The following PLCG2 variants were observed in gnomAD, a reference collection of about 807,000 sequenced individuals.
The protein encoded by PLCG2 is 1-phosphatidylinositol 4,5-bisphosphate phosphodiesterase gamma-2.
In PLCG2, 69 loss-of-function variants were observed where a neutral mutation model predicts 175.6. The observed-to-expected ratio is 0.39, with a 90% CI of 0.32 to 0.48. PLCG2 has a LOEUF of 0.48. PLCG2 is among the 20% of genes least tolerant of loss of function. The probability of loss-of-function intolerance (pLI) is 0.91; values close to 1 mark genes in which losing one functional copy is unlikely to be tolerated. For synonymous variants in PLCG2, 827 were observed against 624.0 expected, an observed-to-expected ratio of 1.33 and a Z score of -4.85; for missense variants, 1,798 against 1,650.9, an observed-to-expected ratio of 1.09 and a Z score of -1.54.
At chr16:81,820,963 G>T (rs991764552) in intron 2 of PLCG2, among the ~76,000 whole-genome samples, 3 of 148,742 alleles carry the variant, frequency 2.0e-5, no homozygotes, top group South Asian at 4.3e-4. Context: ...CATCATGTTG[G>T]CTAGGCTGGT....
upstream of PLCG2, among the ~76,000 whole-genome samples, chr16:81,777,429 T>C (rs1468876937): frequency 7.5e-6 from 1 of 134,136 alleles, no homozygotes; most frequent in Non-Finnish European, 1.6e-5. Context: ...AAATACAAGC[T>C]GAAGTTCTAA....
At chr16:81,943,972 GC>G (rs1911054879) in intron 30 of PLCG2, among the ~76,000 whole-genome samples, 2 of 152,134 alleles carry the variant, frequency 1.3e-5, no homozygotes, top group African/African-American at 4.8e-5. Flanking sequence ...TGTCCCATGG[GC>G]TCATTTTGAA....
chr16:81,927,386 A>G (rs1026553762), intron 23 of PLCG2, among the ~76,000 whole-genome samples: 4 of 152,210 alleles, frequency 2.6e-5, no homozygotes, highest in African/African-American at 9.7e-5. Context: ...CCGTGTTTTA[A>G]TCAGGTTGTG....
intron 2 of PLCG2, among the ~76,000 whole-genome samples, chr16:81,811,449 G>C (rs1467753793): frequency 6.6e-6 from 1 of 152,114 alleles, no homozygotes; most frequent in Non-Finnish European, 1.5e-5. Flanking sequence ...GCTGGGAACT[G>C]GTTTCAGGAT....
At chr16:81,743,662 C>A (rs1909644189) in intron 1 of PLCG2, among the ~76,000 whole-genome samples, 1 of 152,084 alleles carries the variant, frequency 6.6e-6, no homozygotes, top group Non-Finnish European at 1.5e-5. Flanking sequence ...GGATGTGAAG[C>A]CAGGAGAAAG....
intron 2 of PLCG2, among the ~76,000 whole-genome samples, chr16:81,808,417 G>T (rs112574887): frequency 2.3e-4 from 35 of 152,320 alleles, no homozygotes; most frequent in African/African-American, 7.9e-4. Context: ...TGGAGAGGCT[G>T]TGTGGCCCCA....
Position 81,903,231 on chromosome 16 carries a change from C to T in PLCG2, c.1363-2172C>T, listed in dbSNP as rs146758757. On this transcript the variant is annotated intron_variant, in intron 14 of 32. Coordinates refer to ENST00000564138, the MANE Select transcript of PLCG2 (RefSeq NM_002661.5). Reference sequence around the variant, plus strand: ...ACACAAGGGTGTGGTGGTGTCAACACGTGGCATGTACCCTATATTATCACT... The same window carrying T: ...ACACAAGGGTGTGGTGGTGTCAACATGTGGCATGTACCCTATATTATCACT... 5.8e-4 allele frequency among the ~76,000 whole-genome samples: 89 copies of T among 152,324 alleles called. 1 individual carries two copies. In the East Asian group the frequency reaches 0.012, roughly 20 times the overall value.
intron 2 of PLCG2, among the ~76,000 whole-genome samples, chr16:81,851,685 G>A (rs1047106099): frequency 6.6e-6 from 1 of 152,212 alleles, no homozygotes; most frequent in African/African-American, 2.4e-5. Context: ...GCTACTTTTT[G>A]TATTCTTACT....
At chr16:81,866,500 T>C (rs1907242866) in intron 5 of PLCG2, among the ~76,000 whole-genome samples, 1 of 81,280 alleles carries the variant, frequency 1.2e-5, no homozygotes, top group Admixed American at 1.3e-4. Flanking sequence ...GGCACCAGCA[T>C]GAGAGGACGC....
chr16:81,749,541 A>G (rs2143061388), intron 1 of PLCG2, among the ~76,000 whole-genome samples: 1 of 152,156 alleles, frequency 6.6e-6, no homozygotes, highest in African/African-American at 2.4e-5. Flanking sequence ...TTTAGTAGAG[A>G]CGAGGTTTTA....
intron 9 of PLCG2, among the ~76,000 whole-genome samples, chr16:81,884,811 A>T (rs1908273621): frequency 6.6e-6 from 1 of 152,190 alleles, no homozygotes; most frequent in South Asian, 2.1e-4. Context: ...CATTTCAAAC[A>T]TACACAAAAG....
intron 4 of PLCG2, among the ~76,000 whole-genome samples, chr16:81,858,571 C>T (rs77170887): frequency 1.3e-5 from 2 of 152,190 alleles, no homozygotes; most frequent in African/African-American, 4.8e-5. Context: ...CAGCGTTGGC[C>T]TATTGGAGTG....
intron 13 of PLCG2, 48 bp downstream of exon 13, chr16:81,895,975 TA>T: frequency 6.2e-7 from 1 of 1,609,546 alleles, no homozygotes; most frequent in Non-Finnish European, 8.5e-7. Context: ...GGAAGGCAGC[TA>T]GGGTTGGATA....
At chr16:81,748,387 C>G (rs1467616052) in intron 1 of PLCG2, among the ~76,000 whole-genome samples, 1 of 150,266 alleles carries the variant, frequency 6.7e-6, no homozygotes, top group African/African-American at 2.5e-5. Context: ...GAGACTTTGT[C>G]TCAAACTTAA....
chr16:81,907,655 G>C (rs1420089731), intron 15 of PLCG2, 30 bp from the exon 16 acceptor site: 4 of 1,538,418 alleles, frequency 2.6e-6, no homozygotes, highest in Non-Finnish European at 3.6e-6. Context: ...AGAGGACTTG[G>C]GGGGCACTAA....
intron 2 of PLCG2, among the ~76,000 whole-genome samples, chr16:81,833,334 A>G (rs933369110): frequency 1.3e-5 from 2 of 151,960 alleles, no homozygotes; most frequent in African/African-American, 4.8e-5. Flanking sequence ...CAATCTGTCC[A>G]CACCCCCAGG....
intron 25 of PLCG2, 67 bp downstream of exon 25, chr16:81,931,721 C>A: frequency 1.4e-6 from 2 of 1,458,084 alleles, no homozygotes; most frequent in African/African-American, 1.4e-5. Flanking sequence ...TCAGTTGGGA[C>A]TGTGGGTGGG....
At position 81,809,983 on chromosome 16, in the gene PLCG2, G is replaced by A. The variant is rs575551479; in HGVS notation, c.193+23801G>A. ...CTGCCAGTCTTTGTCTGCCACCATG[G>A]TTCTCTCCTTTTTTTTTTCTTTTTT... On this transcript the variant is annotated intron_variant, in intron 2 of 32. Coordinates refer to ENST00000564138, the MANE Select transcript of PLCG2 (RefSeq NM_002661.5). Among the ~76,000 whole-genome samples the A allele has an allele frequency of 5.9e-5, 9 of 151,700 alleles. No individual in the cohort carries two copies. In the South Asian group the frequency reaches 1.7e-3, roughly 28 times the overall value.
chr16:81,952,952 TCAA>T (rs986383597), intron 31 of PLCG2, among the ~76,000 whole-genome samples: 52 of 152,358 alleles, frequency 3.4e-4, no homozygotes, highest in African/African-American at 1.2e-3. Flanking sequence ...AATCAGATGA[TCAA>T]CGTTACCAAC....
Sources: gnomAD v4.1 joint callset for allele counts (sites outside exome capture counted in the v4.1 genomes callset) on GRCh38, gnomAD v4.1.1 for gene constraint, MANE v1.5 for transcripts, NCBI Gene and HGNC (gene_info 2026-07-23, HGNC 2026-07-21) for gene names.